The following CCSER1 variants were observed in gnomAD, a reference collection of about 807,000 sequenced individuals.
CCSER1 encodes the protein coiled-coil serine rich protein 1.
A neutral mutation model predicts 82.0 loss-of-function variants in CCSER1; 41 were observed. The observed-to-expected ratio is 0.50, with a 90% CI of 0.39 to 0.65. The LOEUF (loss-of-function observed/expected upper bound fraction) is 0.65. CCSER1 is among the 30% of genes least tolerant of loss of function. The pLI is 0.00. For synonymous variants in CCSER1, 414 were observed against 383.9 expected (o/e 1.08, Z -0.92); for missense variants, 1,119 against 1,064.2 (o/e 1.05, Z -0.72).
chr4:91,396,296 T>C (rs556532006), intron 10 of CCSER1, among the ~76,000 whole-genome samples: 1 of 152,212 alleles, frequency 6.6e-6, no homozygotes, highest in Non-Finnish European at 1.5e-5. Flanking sequence ...GTGGTAATAA[T>C]TGTAGTTTAG....
intron 10 of CCSER1, among the ~76,000 whole-genome samples, chr4:91,439,904 A>C (rs1754990283): frequency 6.6e-6 from 1 of 152,238 alleles, no homozygotes; most frequent in Non-Finnish European, 1.5e-5. Context: ...CACTACAACA[A>C]GAAGAACTAA....
intron 10 of CCSER1, among the ~76,000 whole-genome samples, chr4:91,150,164 G>A (rs1730011793): frequency 6.6e-6 from 1 of 152,122 alleles, no homozygotes; most frequent in African/African-American, 2.4e-5. Flanking sequence ...TTGAGCAGTG[G>A]TTTGTAATTC....
intron 1 of CCSER1, among the ~76,000 whole-genome samples, chr4:90,162,903 A>G (rs1309890060): frequency 6.6e-6 from 1 of 152,166 alleles, no homozygotes; most frequent in Non-Finnish European, 1.5e-5. Context: ...ATTTTAGGTC[A>G]CTAGACAACC....
At chr4:90,282,742 T>C (rs1729108188) in intron 1 of CCSER1, among the ~76,000 whole-genome samples, 1 of 151,968 alleles carries the variant, frequency 6.6e-6, no homozygotes, top group African/African-American at 2.4e-5. Context: ...TAGGTTACTA[T>C]AGAGGCTGCA....
intron 5 of CCSER1, among the ~76,000 whole-genome samples, chr4:90,580,276 T>A (rs1781283000): frequency 6.6e-6 from 1 of 152,160 alleles, no homozygotes; most frequent in Non-Finnish European, 1.5e-5. Flanking sequence ...TTCTCCTCCT[T>A]ACTAATTATG....
intron 1 of CCSER1, among the ~76,000 whole-genome samples, chr4:90,295,481 T>C (rs1731692494): frequency 6.6e-6 from 1 of 151,974 alleles, no homozygotes. Context: ...TGCTCCCTTT[T>C]ATTCTTTGTG....
intron 4 of CCSER1, among the ~76,000 whole-genome samples, chr4:90,446,175 T>A (rs926356880): frequency 8.5e-5 from 13 of 152,296 alleles, no homozygotes; most frequent in Non-Finnish European, 1.5e-4. Flanking sequence ...CTCCAGTATA[T>A]TTGAGTTCTT....
rs796286752 is a variant in CCSER1, at chr4:91,458,248, G to C, written c.2218-140324G>C. Among the ~76,000 whole-genome samples the C allele has an allele frequency of 4.6e-5, 7 of 152,098 alleles. No individual in the cohort carries two copies. The South Asian group carries it at 1.4e-3, about 31-fold the overall frequency. On this transcript the variant is annotated intron_variant, in intron 10 of 10. Coordinates refer to ENST00000509176, the MANE Select transcript of CCSER1 (RefSeq NM_001145065.2). Reference sequence around the variant, plus strand: ...AATTTTACCAGCACTACTTATTAAAGAGACTCTTCCCCAATGTCCTTTCCC... The same window carrying C: ...AATTTTACCAGCACTACTTATTAAACAGACTCTTCCCCAATGTCCTTTCCC...
At chr4:90,874,019 G>A (rs73834574) in intron 8 of CCSER1, among the ~76,000 whole-genome samples, 1,938 of 152,070 alleles carry the variant, frequency 0.013, 35 homozygotes, top group African/African-American at 0.044. Context: ...ACTCTATTTC[G>A]AGGTGAAAGA....
intron 9 of CCSER1, among the ~76,000 whole-genome samples, chr4:91,020,246 G>A (rs1354996163): frequency 7.2e-5 from 11 of 152,132 alleles, no homozygotes. Flanking sequence ...CATAGATGTT[G>A]CTACAGACCC....
intron 10 of CCSER1, among the ~76,000 whole-genome samples, chr4:91,099,008 G>T (rs1428924005): frequency 6.6e-6 from 1 of 152,170 alleles, no homozygotes; most frequent in Non-Finnish European, 1.5e-5. Context: ...AATTATAGGA[G>T]ATAACTATAC....
At chr4:90,962,320 A>T (rs1208629089) in intron 9 of CCSER1, among the ~76,000 whole-genome samples, 1 of 152,152 alleles carries the variant, frequency 6.6e-6, no homozygotes, top group African/African-American at 2.4e-5. Flanking sequence ...TTTCTTCATT[A>T]TAAAATAGGA....
In CCSER1 at chr4:91,477,830, A is replaced by G. The variant is rs1156407219; in HGVS notation, c.2218-120742A>G. On this transcript the variant is annotated intron_variant, in intron 10 of 10. Transcript: ENST00000509176. ...CCAAATCAACAATGGCTTGGGTAGT[A>G]TATATGCATCAAATTCTTCTTGTTG... is the stretch of plus-strand genomic sequence containing the variant. Among the ~76,000 whole-genome samples the G allele has an allele frequency of 3.8e-4, 57 of 151,818 alleles. 1 individual carries two copies. The highest frequency in any genetic ancestry group is 3.7e-3 in the Admixed American group (57 of 15,228).
intron 10 of CCSER1, among the ~76,000 whole-genome samples, chr4:91,217,164 G>A (rs1247410610): frequency 4.6e-5 from 7 of 152,148 alleles, no homozygotes; most frequent in African/African-American, 1.4e-4. Flanking sequence ...TAAAAGCAGC[G>A]TGGACCCAAA....
At chr4:90,154,788 A>G (rs1421888142) in intron 1 of CCSER1, among the ~76,000 whole-genome samples, 15 of 149,428 alleles carry the variant, frequency 1.0e-4, no homozygotes, top group African/African-American at 2.5e-4. Flanking sequence ...GGCTGAGACA[A>G]TGGGGTTTTC....
At chr4:91,037,737 C>A (rs1344044258) in intron 9 of CCSER1, among the ~76,000 whole-genome samples, 9 of 151,592 alleles carry the variant, frequency 5.9e-5, no homozygotes, top group Middle Eastern at 3.2e-3. Flanking sequence ...ATCTATATAT[C>A]TTTTAATCTA....
intron 8 of CCSER1, among the ~76,000 whole-genome samples, chr4:90,879,570 GGAAGAAGAAGAA>G (rs377231532): frequency 0.017 from 1,821 of 110,304 alleles, 46 homozygotes; most frequent in African/African-American, 0.057. Context: ...AAGAAGAAGA[GGAAGAAGAAGAA>G]GAGGAGGAGG....
intron 1 of CCSER1, among the ~76,000 whole-genome samples, chr4:90,134,266 T>C (rs1239915716): frequency 6.6e-6 from 1 of 152,208 alleles, no homozygotes; most frequent in Non-Finnish European, 1.5e-5. Context: ...AGAGAAACTC[T>C]GAAGGAGTAT....
chr4:91,502,501 A>G (rs1484301835), intron 10 of CCSER1, among the ~76,000 whole-genome samples: 1 of 152,152 alleles, frequency 6.6e-6, no homozygotes, highest in Non-Finnish European at 1.5e-5. Context: ...TCCAAGCCTC[A>G]GGTATTTTAA....
Sources: gnomAD v4.1 joint callset for allele counts (sites outside exome capture counted in the v4.1 genomes callset) on GRCh38, gnomAD v4.1.1 for gene constraint, MANE v1.5 for transcripts, NCBI Gene and HGNC (gene_info 2026-07-23, HGNC 2026-07-21) for gene names.